Variants in NCKAP5 observed in about 807,000 individuals in gnomAD.
NCKAP5 encodes the protein nck-associated protein 5.
Under a neutral mutation model 167.0 loss-of-function variants are expected in NCKAP5, and 92 were observed. The ratio of observed to expected loss-of-function variants is 0.55; its 90% CI spans 0.47 to 0.66. The LOEUF is 0.66. Ranked by LOEUF, NCKAP5 falls within the 30% of genes least tolerant of loss-of-function variation. NCKAP5 has a pLI of 0.00. For missense variants in NCKAP5, 2,378 were observed against 2,315.0 expected, an observed-to-expected ratio of 1.03 and a Z score of -0.56; for synonymous variants, 891 against 877.4, an observed-to-expected ratio of 1.02 and a Z score of -0.27.
chr2:133,151,354 G>A (rs998005020), intron 5 of NCKAP5, among the ~76,000 whole-genome samples: 1 of 151,932 alleles, frequency 6.6e-6, no homozygotes. Flanking sequence ...TTAAGAGAAT[G>A]AAAAGACAAG....
At chr2:132,718,236 C>G (rs1181533395) in intron 19 of NCKAP5, among the ~76,000 whole-genome samples, 1 of 152,214 alleles carries the variant, frequency 6.6e-6, no homozygotes, top group African/African-American at 2.4e-5. Context: ...AGTCAAGTCT[C>G]TCTCTTGCTT....
In NCKAP5 at chr2:132,785,582, T is replaced by A; in HGVS notation, c.1229A>T (p.Lys410Met). Residue 410 changes from lysine to methionine, a missense_variant, in exon 14 of 20, where the codon AAG becomes ATG. This residue lies in a region of NCKAP5 where 1,049 missense variants were observed against 1,023.4 expected (regional missense o/e 1.02). Transcript: ENST00000409261. ...HILEGLRKLQ[K>M]RKVLLEPPSV... ...TGGGGGTTCAAGTAACACTTTTCGC[T>A]TCTGTAGCTTTCTTAGCCCTTCCAA... 6.3e-7 allele frequency: 1 copy of A among 1,592,850 alleles called. No individual in the cohort carries two copies. The highest frequency in any genetic ancestry group is 8.5e-7 in the Non-Finnish European group (1 of 1,170,324).
rs182863300 is a variant in NCKAP5, at chr2:132,967,064, T to C, written c.430-3195A>G. On this transcript the variant is annotated intron_variant, in intron 7 of 19. Transcript: ENST00000409261. ...GTATGTTCACGAATGACCACAAAAGTGACACAAGTATGGATTTTTGGGTTG... is the reference window on the plus strand; with the variant it reads ...GTATGTTCACGAATGACCACAAAAGCGACACAAGTATGGATTTTTGGGTTG... Among the ~76,000 whole-genome samples, 14 of 151,856 alleles carry C rather than the reference T, an allele frequency of 9.2e-5. No homozygotes were observed. The South Asian group carries it at 2.7e-3, about 29-fold the overall frequency.
rs551303948 is a variant in NCKAP5, at chr2:132,874,132, G to A, written c.648+4716C>T. Among the ~76,000 whole-genome samples the A allele has an allele frequency of 8.4e-4, 99 of 118,208 alleles. 2 individuals carry two copies. The East Asian group carries it at 0.017, about 20-fold the overall frequency. The allele number at this position is 118,208 out of a possible 152,430, so 77.5% of individuals were successfully genotyped here. ...TTTTTTTTTTTTTTTTTTTTGAGATGGAGTCTCGCTCTGTCACCCAGGCTG... is the reference window on the plus strand; with the variant it reads ...TTTTTTTTTTTTTTTTTTTTGAGATAGAGTCTCGCTCTGTCACCCAGGCTG... On this transcript the variant is annotated intron_variant, in intron 9 of 19. Coordinates refer to ENST00000409261, the MANE Select transcript of NCKAP5 (RefSeq NM_207363.3).
intron 19 of NCKAP5, among the ~76,000 whole-genome samples, chr2:132,701,016 G>A (rs1687835265): frequency 6.6e-6 from 1 of 151,484 alleles, no homozygotes; most frequent in African/African-American, 2.4e-5. Context: ...GTCGGCAATA[G>A]GTCTGTGGGT....
intron 6 of NCKAP5, among the ~76,000 whole-genome samples, chr2:133,032,545 C>T (rs1559070291): frequency 6.6e-6 from 1 of 152,162 alleles, no homozygotes; most frequent in Non-Finnish European, 1.5e-5. Flanking sequence ...CCTCACCACC[C>T]TGCAGGGAAA....
chr2:133,116,487 CAAAAAAAAAAA>C lies in NCKAP5; in HGVS notation c.341+13480_341+13490del, dbSNP rs1176731938. 2.9e-3 allele frequency among the ~76,000 whole-genome samples: 21 copies of C among 7,150 alleles called. 1 individual carries two copies. Among genetic ancestry groups the C allele is most frequent in the South Asian group, 0.021 (5 of 234 alleles). 4.7% of individuals were successfully genotyped at this position (7,150 alleles called of 152,430 possible). A position where few individuals can be genotyped will look rare whatever the true frequency, so the allele number is the denominator to read the frequency against. On this transcript the variant is annotated intron_variant, in intron 6 of 19. Coordinates refer to ENST00000409261, the MANE Select transcript of NCKAP5 (RefSeq NM_207363.3). ...TGGGCGACAGAGCGAGACTCCGTCT[CAAAAAAAAAAA>C]AAAAAAAAAAAAAAAAAAGAAAAAT... is the stretch of plus-strand genomic sequence containing the variant.
chr2:132,817,517 T>C (rs920386697), intron 11 of NCKAP5, among the ~76,000 whole-genome samples: 2 of 152,358 alleles, frequency 1.3e-5, no homozygotes, highest in African/African-American at 4.8e-5. Context: ...TTTTTGTGTA[T>C]AAAGAGGTTA....
intron 5 of NCKAP5, among the ~76,000 whole-genome samples, chr2:133,196,408 G>C (rs2085439101): frequency 6.6e-6 from 1 of 152,114 alleles, no homozygotes; most frequent in African/African-American, 2.4e-5. Flanking sequence ...CCTAAAGCTG[G>C]GGACAAAAGT....
intron 2 of NCKAP5, among the ~76,000 whole-genome samples, chr2:133,550,379 C>T (rs993949316): frequency 1.3e-5 from 2 of 151,600 alleles, no homozygotes; most frequent in African/African-American, 4.8e-5. Context: ...TCCAGCAGCA[C>T]ATCAAAAAGC....
rs550575767 is a variant in NCKAP5 at position 133,540,050 on chromosome 2, C to T, written c.-62+19000G>A. Among the ~76,000 whole-genome samples the T allele has an allele frequency of 1.1e-4, 16 of 152,136 alleles. No individual in the cohort carries two copies. In the South Asian group the frequency reaches 3.1e-3, roughly 30 times the overall value. ...ATAAAGTTAGCTGGGCGTGGTAGCACGTCCCTGACAGTCCCAGCTACTCAG... is the reference window on the plus strand; with the variant it reads ...ATAAAGTTAGCTGGGCGTGGTAGCATGTCCCTGACAGTCCCAGCTACTCAG... On this transcript the variant is annotated intron_variant, in intron 2 of 19. Transcript: ENST00000409261.
chr2:133,589,267 T>C, the NCKAP5 span, among the ~76,000 whole-genome samples: 1 of 152,132 alleles, frequency 6.6e-6, no homozygotes, highest in Non-Finnish European at 1.5e-5. Context: ...TATATGTAGA[T>C]CTGACACAGT....
At chr2:132,673,396 C>G (rs958891306) in intron 19 of NCKAP5, 91 bp from the exon 20 acceptor site, 13 of 1,096,312 alleles carry the variant, frequency 1.2e-5, no homozygotes, top group Non-Finnish European at 1.6e-5. Flanking sequence ...GTATAAAGTA[C>G]AGTTTAAAGG....
intron 7 of NCKAP5, among the ~76,000 whole-genome samples, chr2:132,976,424 C>T (rs928252655): frequency 4.0e-5 from 6 of 151,840 alleles, no homozygotes; most frequent in Non-Finnish European, 8.8e-5. Context: ...ATTAGCCGGG[C>T]ATGGTGGCAC....
chr2:133,058,195 G>C (rs1227105787), intron 6 of NCKAP5, among the ~76,000 whole-genome samples: 1 of 152,184 alleles, frequency 6.6e-6, no homozygotes, highest in Non-Finnish European at 1.5e-5. Context: ...AGCCCTGATG[G>C]AGATGTACAA....
chr2:133,134,115 C>T (rs2082702603), intron 5 of NCKAP5, among the ~76,000 whole-genome samples: 1 of 152,200 alleles, frequency 6.6e-6, no homozygotes, highest in African/African-American at 2.4e-5. Flanking sequence ...CATCGAAACA[C>T]ACAAAACACA....
chr2:132,929,709 G>T (rs757765259), intron 8 of NCKAP5, among the ~76,000 whole-genome samples: 27 of 152,016 alleles, frequency 1.8e-4, no homozygotes, highest in Non-Finnish European at 4.4e-5. Context: ...TAATACAGGG[G>T]TAAATCAAAC....
At chr2:132,930,978 G>T (rs950876312) in intron 8 of NCKAP5, 8 of 152,150 alleles carry the variant, frequency 5.3e-5, no homozygotes, top group African/African-American at 1.9e-4. Flanking sequence ...CCAGTAAGTA[G>T]AAAGCCAAAA....
chr2:132,706,399 G>A (rs759051891), intron 19 of NCKAP5, among the ~76,000 whole-genome samples: 5 of 152,194 alleles, frequency 3.3e-5, no homozygotes, highest in Non-Finnish European at 7.3e-5. Context: ...TTTAGTACTG[G>A]CTAAATCACT....
Sources: gnomAD v4.1 joint callset for allele counts (sites outside exome capture counted in the v4.1 genomes callset) on GRCh38, gnomAD v4.1.1 for gene constraint, gnomAD v4.1.1 regional missense constraint, MANE v1.5 for transcripts, NCBI Gene and HGNC (gene_info 2026-07-23, HGNC 2026-07-21) for gene names.